Variants in PTPRT observed in about 807,000 individuals in gnomAD.
PTPRT encodes the protein receptor-type tyrosine-protein phosphatase T.
A neutral mutation model predicts 176.8 loss-of-function variants in PTPRT; 56 were observed. That is an observed-to-expected ratio of 0.32 (90% CI 0.26 to 0.40). The LOEUF is 0.40. Among genes scored for constraint, PTPRT ranks in the 10% least tolerant of loss-of-function variants. PTPRT has a pLI of 1.00. For missense variants in PTPRT, 1,540 were observed against 1,908.2 expected (o/e 0.81, Z 3.60); for synonymous variants, 783 against 739.0 (o/e 1.06, Z -0.96).
intron 13 of PTPRT, among the ~76,000 whole-genome samples, chr20:42,275,646 G>C (rs1388530473): frequency 6.6e-6 from 1 of 152,104 alleles, no homozygotes; most frequent in East Asian, 1.9e-4. Flanking sequence ...AGCTGTTGTA[G>C]CAAGAAAAAT....
chr20:42,382,888 GAT>G (rs2145638851), intron 9 of PTPRT, among the ~76,000 whole-genome samples: 1 of 152,226 alleles, frequency 6.6e-6, no homozygotes, highest in South Asian at 2.1e-4. Flanking sequence ...CTACTGATAG[GAT>G]CTCCAACTAT....
At chr20:42,957,635 G>C (rs190286569) in intron 1 of PTPRT, among the ~76,000 whole-genome samples, 300 of 152,326 alleles carry the variant, frequency 2.0e-3, no homozygotes, top group African/African-American at 6.9e-3. Context: ...AGGCATGGAA[G>C]AGGGGTGTCA....
At chr20:42,402,838 ATGTG>A (rs142450968) in intron 9 of PTPRT, among the ~76,000 whole-genome samples, 313 of 151,372 alleles carry the variant, frequency 2.1e-3, no homozygotes, top group Non-Finnish European at 3.8e-3. Context: ...GTGTATGTGC[ATGTG>A]TGTGTGTGTG....
intron 6 of PTPRT, among the ~76,000 whole-genome samples, chr20:42,729,318 GA>G (rs1189627812): frequency 1.3e-5 from 2 of 152,104 alleles, no homozygotes; most frequent in South Asian, 2.1e-4. Context: ...CAAAAGGGGA[GA>G]AAAAAACAGA....
intron 11 of PTPRT, among the ~76,000 whole-genome samples, chr20:42,340,905 C>G (rs914673492): frequency 6.6e-6 from 1 of 152,124 alleles, no homozygotes; most frequent in African/African-American, 2.4e-5. Flanking sequence ...CGAGTTCTTT[C>G]AAGGAGTTTC....
At chr20:42,050,851 C>T in the PTPRT span, among the ~76,000 whole-genome samples, 1 of 152,080 alleles carries the variant, frequency 6.6e-6, no homozygotes, top group African/African-American at 2.4e-5. Flanking sequence ...TGAGAGGGAC[C>T]CACTGGCTAT....
At chr20:43,183,172 A>G (rs1186130991) in intron 1 of PTPRT, among the ~76,000 whole-genome samples, 1 of 152,260 alleles carries the variant, frequency 6.6e-6, no homozygotes, top group East Asian at 1.9e-4. Flanking sequence ...AGGGGAAAAA[A>G]TGCTACTTCA....
chr20:42,997,452 C>T (rs1984285883), intron 1 of PTPRT, among the ~76,000 whole-genome samples: 1 of 152,136 alleles, frequency 6.6e-6, no homozygotes. Flanking sequence ...CTGAGCCCTC[C>T]AGCTCATAGC....
chr20:43,021,689 T>C (rs1415183103), intron 1 of PTPRT, among the ~76,000 whole-genome samples: 7 of 151,990 alleles, frequency 4.6e-5, no homozygotes, highest in Non-Finnish European at 1.5e-5. Flanking sequence ...TTCAGATCAC[T>C]GAAGCATTGT....
In PTPRT at chr20:42,296,148, G is replaced by C. The variant is rs573804720; in HGVS notation, c.2140-13623C>G. On this transcript the variant is annotated intron_variant, in intron 12 of 30. Coordinates refer to ENST00000373187, the MANE Select transcript of PTPRT (RefSeq NM_007050.6). ...CAAAAGATTAAACAAGAAAAGATGG[G>C]ATTAAGAGTGCTAAATAGGCCAGGT... is the stretch of plus-strand genomic sequence containing the variant. Among the ~76,000 whole-genome samples, 21 of 152,278 alleles carry C rather than the reference G, an allele frequency of 1.4e-4. No homozygotes were observed. The South Asian group carries it at 3.9e-3, about 29-fold the overall frequency.
At chr20:42,065,449 A>C in the PTPRT span, among the ~76,000 whole-genome samples, 2 of 152,240 alleles carry the variant, frequency 1.3e-5, no homozygotes, top group Non-Finnish European at 2.9e-5. Context: ...CTCAAAGCTT[A>C]GTGGCTAAGA....
intron 9 of PTPRT, among the ~76,000 whole-genome samples, chr20:42,447,593 A>T (rs1316310636): frequency 6.6e-6 from 1 of 152,118 alleles, no homozygotes; most frequent in Non-Finnish European, 1.5e-5. Context: ...ATAAACTTTC[A>T]TACAGTTTGT....
intron 25 of PTPRT, among the ~76,000 whole-genome samples, chr20:42,103,247 G>A (rs886999211): frequency 3.9e-5 from 6 of 152,152 alleles, no homozygotes; most frequent in African/African-American, 7.2e-5. Context: ...AGCTCTGACC[G>A]CATGGGCTTC....
chr20:43,019,123 A>C (rs529393703), intron 1 of PTPRT, among the ~76,000 whole-genome samples: 1 of 152,342 alleles, frequency 6.6e-6, no homozygotes, highest in East Asian at 1.9e-4. Flanking sequence ...AATACAATAC[A>C]CTCAATAAAA....
intron 16 of PTPRT, among the ~76,000 whole-genome samples, chr20:42,186,349 C>T (rs933021268): frequency 6.6e-6 from 1 of 151,794 alleles, no homozygotes; most frequent in Non-Finnish European, 1.5e-5. Context: ...CTGGATTTGG[C>T]CTATGGGCCT....
At chr20:43,142,915 T>G (rs1460708159) in intron 1 of PTPRT, among the ~76,000 whole-genome samples, 1 of 152,242 alleles carries the variant, frequency 6.6e-6, no homozygotes, top group Non-Finnish European at 1.5e-5. Context: ...CACTGCATGC[T>G]GGACTTTGCA....
chr20:42,441,013 C>G (rs1047916797), intron 9 of PTPRT, among the ~76,000 whole-genome samples: 1 of 152,182 alleles, frequency 6.6e-6, no homozygotes, highest in Non-Finnish European at 1.5e-5. Context: ...AAATGTCAAT[C>G]TCATCCAAAA....
At chr20:42,472,785 A>G (rs2071222028) in intron 7 of PTPRT, among the ~76,000 whole-genome samples, 1 of 152,222 alleles carries the variant, frequency 6.6e-6, no homozygotes, top group African/African-American at 2.4e-5. Context: ...GAAAACATAA[A>G]TATATAAAAG....
chr20:42,273,210 GT>G (rs1453069674), intron 13 of PTPRT, among the ~76,000 whole-genome samples: 2 of 152,102 alleles, frequency 1.3e-5, no homozygotes, highest in African/African-American at 2.4e-5. Flanking sequence ...GCAGTAAGTG[GT>G]AGTACTTATT....
Sources: gnomAD v4.1 joint callset for allele counts (sites outside exome capture counted in the v4.1 genomes callset) on GRCh38, gnomAD v4.1.1 for gene constraint, MANE v1.5 for transcripts, NCBI Gene and HGNC (gene_info 2026-07-23, HGNC 2026-07-21) for gene names.